Variants in RFX1 observed in about 807,000 individuals in gnomAD.
RFX1 encodes the protein regulatory factor X1.
In RFX1, 42 loss-of-function variants were observed where a neutral mutation model predicts 119.6. The observed-to-expected ratio is 0.35, with a 90% confidence interval of 0.27 to 0.45. RFX1 has a LOEUF of 0.45. Ranked by LOEUF, RFX1 falls within the 20% of genes least tolerant of loss-of-function variation. The pLI, the probability that RFX1 is intolerant of heterozygous loss-of-function variation, is 1.00. For missense variants in RFX1, 1,118 were observed against 1,368.1 expected (o/e 0.82, Z 2.88); for synonymous variants, 628 against 618.5 (o/e 1.02, Z -0.23).
rs74409886 is a variant in RFX1, at chr19:13,986,152, C to T, written c.320-2557G>A. On this transcript the variant is annotated intron_variant, in intron 2 of 20. Coordinates refer to ENST00000254325, the MANE Select transcript of RFX1 (RefSeq NM_002918.5). This position sits in a 1 kb window ranked among gnomAD's most constrained non-coding sequence, Gnocchi z 4.2. ...TGTGACCGGCACTGCACACCTGGGTCCGTGGGGTCCAAGGACTCAGGCCCA... is the reference window on the plus strand; with the variant it reads ...TGTGACCGGCACTGCACACCTGGGTTCGTGGGGTCCAAGGACTCAGGCCCA... Among the ~76,000 whole-genome samples, 5 of 152,314 alleles carry T rather than the reference C, an allele frequency of 3.3e-5. No individual in the cohort carries two copies. Among genetic ancestry groups the T allele is most frequent in the Non-Finnish European group, 5.9e-5 (4 of 68,028 alleles).
rs1047586434 is a variant in RFX1 at position 13,980,812 on chromosome 19, T to A, written c.622-123A>T. 1 of 592,656 alleles carries A rather than the reference T, an allele frequency of 1.7e-6. No homozygotes were observed. Among genetic ancestry groups the A allele is most frequent in the African/African-American group, 1.9e-5 (1 of 52,920 alleles). 36.7% of individuals were successfully genotyped at this position (592,656 alleles called of 1,614,324 possible). A position where few individuals can be genotyped will look rare whatever the true frequency, so the allele number is the denominator to read the frequency against. On this transcript the variant is annotated intron_variant, in intron 5 of 20. Transcript: ENST00000254325. The surrounding 1 kb of genome is among the most constrained non-coding windows in gnomAD (Gnocchi z 5.1). ...GAGGGCGGCAGTCTGTGGGGACCTA[T>A]CCCAACCACCGAGGCTGGTAACTGA...
At chr19:13,974,035 T>G (rs187404265) in intron 8 of RFX1, among the ~76,000 whole-genome samples, 2 of 151,292 alleles carry the variant, frequency 1.3e-5, no homozygotes, top group South Asian at 2.1e-4. Flanking sequence ...GTACTTCGAG[T>G]GCCTACTGTG....
At position 13,985,938 on chromosome 19, in the gene RFX1, G is replaced by A. The variant is rs994235779; in HGVS notation, c.320-2343C>T. Among the ~76,000 whole-genome samples, 1 of 152,196 alleles carries A rather than the reference G, an allele frequency of 6.6e-6. No individual in the cohort carries two copies. Among genetic ancestry groups the A allele is most frequent in the Non-Finnish European group, 1.5e-5 (1 of 68,030 alleles). On this transcript the variant is annotated intron_variant, in intron 2 of 20. Transcript: ENST00000254325. The surrounding 1 kb of genome is among the most constrained non-coding windows in gnomAD (Gnocchi z 4.3). ...CTCCGCGTAGCCGCATGTGGGCTGTGGGGCATTTGGTCAATCCCATGCCTG... is the reference window on the plus strand; with the variant it reads ...CTCCGCGTAGCCGCATGTGGGCTGTAGGGCATTTGGTCAATCCCATGCCTG...
chr19:13,966,480 C>T lies in RFX1; in HGVS notation c.1902G>A (p.Leu634=). ...GGTTGTACCTCCAGAAGGTCTTCCACAGCGTCTCCACCAGGGTGAACTGCA... is the reference window on the plus strand; with the variant it reads ...GGTTGTACCTCCAGAAGGTCTTCCATAGCGTCTCCACCAGGGTGAACTGCA... ...VNLQFTLVET[L]WKTFWRYNLS... Residue 634 remains leucine (L), a synonymous_variant, in exon 14 of 21, where the codon CTG becomes CTA. Transcript: ENST00000254325. This position sits in a 1 kb window ranked among gnomAD's most constrained non-coding sequence, Gnocchi z 6.3. 1 of 1,604,250 alleles carries T rather than the reference C, an allele frequency of 6.2e-7. No homozygotes were observed. Among genetic ancestry groups the T allele is most frequent in the Non-Finnish European group, 8.5e-7 (1 of 1,175,514 alleles).
At position 14,001,226 on chromosome 19, in the gene RFX1, C is replaced by G. The variant is rs148742282; in HGVS notation, c.-53+4877G>C. Among the ~76,000 whole-genome samples, 458 of 152,296 alleles carry G rather than the reference C, an allele frequency of 3.0e-3. 2 individuals carry two copies. Among genetic ancestry groups the G allele is most frequent in the Middle Eastern group, 0.017 (5 of 294 alleles). Reference sequence around the variant, plus strand: ...TCAGCTCGTACACACTTCCTTGGGTCTGAAGGTACCCTCAAGCACATACTA... The same window carrying G: ...TCAGCTCGTACACACTTCCTTGGGTGTGAAGGTACCCTCAAGCACATACTA... On this transcript the variant is annotated intron_variant, in intron 1 of 20. Transcript: ENST00000254325.
intron 1 of RFX1, 95 bp from the exon 2 acceptor site, chr19:13,993,990 A>G: frequency 4.0e-6 from 3 of 741,692 alleles, no homozygotes; most frequent in Non-Finnish European, 6.6e-6. Context: ...AAGCAGGGAC[A>G]GCTCTGGGTT....
At position 13,983,468 on chromosome 19, in the gene RFX1, G is replaced by A; in HGVS notation, c.429+18C>T. ...CCTCCCGGGCCCTCCCCCACCCCCT[G>A]GGAGGGCCACATCCTACCTGCTGGG... On this transcript the variant is annotated intron_variant, in intron 3 of 20. Transcript: ENST00000254325. 1 of 1,552,604 alleles carries A rather than the reference G, an allele frequency of 6.4e-7. No individual in the cohort carries two copies. The highest frequency in any genetic ancestry group is 8.7e-7 in the Non-Finnish European group (1 of 1,150,650).
At chr19:14,003,239 G>T (rs1975273796) in intron 1 of RFX1, among the ~76,000 whole-genome samples, 1 of 152,154 alleles carries the variant, frequency 6.6e-6, no homozygotes, top group Admixed American at 6.6e-5. Context: ...ACCCACCTTG[G>T]CCTCTCAAAG....
chr19:13,984,201 G>A (rs1262742490), intron 2 of RFX1, among the ~76,000 whole-genome samples: 1 of 152,008 alleles, frequency 6.6e-6, no homozygotes, highest in Non-Finnish European at 1.5e-5. Context: ...AGAACATGGT[G>A]CTCATCCCCT....
In RFX1 at chr19:13,993,529, G is replaced by A. The variant is rs1166268998; in HGVS notation, c.315C>T (p.Val105=). 9 of 1,611,984 alleles carry A rather than the reference G, an allele frequency of 5.6e-6. No homozygotes were observed. The highest frequency in any genetic ancestry group is 5.9e-6 in the Non-Finnish European group (7 of 1,179,050). ...PAPQQYIVVT[V]SEGAMRASET... ...ACACACGAGCGCGGCACTTACCAGAGACAGTGACCACGATGTACTGCTGGG... is the reference window on the plus strand; with the variant it reads ...ACACACGAGCGCGGCACTTACCAGAAACAGTGACCACGATGTACTGCTGGG... The change falls in exon 2 of 21, where the codon GTC becomes GTT. Residue 105 remains valine (V), a synonymous_variant. Coordinates refer to ENST00000254325, the MANE Select transcript of RFX1 (RefSeq NM_002918.5).
rs1251857289 is a variant in RFX1, at chr19:13,986,310, T to C, written c.320-2715A>G. ...AGCAGGAGGAGGCCTGGGGACCTGCTGAGACCAGGTGGCTGTCTCCAGGAA... is the reference window on the plus strand; with the variant it reads ...AGCAGGAGGAGGCCTGGGGACCTGCCGAGACCAGGTGGCTGTCTCCAGGAA... On this transcript the variant is annotated intron_variant, in intron 2 of 20. Coordinates refer to ENST00000254325, the MANE Select transcript of RFX1 (RefSeq NM_002918.5). This position sits in a 1 kb window ranked among gnomAD's most constrained non-coding sequence, Gnocchi z 4.2. Among the ~76,000 whole-genome samples the C allele has an allele frequency of 6.6e-6, 1 of 152,156 alleles. No homozygotes were observed. The highest frequency in any genetic ancestry group is 2.4e-5 in the African/African-American group (1 of 41,442).
Position 13,963,750 on chromosome 19 carries a change from G to A in RFX1, c.2362-4C>T, listed in dbSNP as rs768996870. On this transcript the variant is annotated splice_polypyrimidine_tract_variant and splice_region_variant and intron_variant, in intron 17 of 20. Transcript: ENST00000254325. ...GGCACACCCACGAGGCCTGCTCCTG[G>A]GGCACAGAGGGTGGGCGGGCGCCCG... 31 of 1,571,692 alleles carry A rather than the reference G, an allele frequency of 2.0e-5. No homozygotes were observed. The South Asian group carries it at 3.3e-4, about 17-fold the overall frequency.
chr19:13,982,963 G>A, intron 4 of RFX1: 1 of 555,918 alleles, frequency 1.8e-6, no homozygotes, highest in Non-Finnish European at 3.2e-6. Context: ...TATACATCTT[G>A]TTCTCTCTGC....
At chr19:13,972,311 A>C (rs1199312052) in intron 9 of RFX1, among the ~76,000 whole-genome samples, 2 of 149,434 alleles carry the variant, frequency 1.3e-5, no homozygotes, top group African/African-American at 5.0e-5. Context: ...CTCATGCCTC[A>C]CCCTCCTGAG....
rs190348639 is a variant in RFX1 at position 13,969,162 on chromosome 19, A to C, written c.1497-268T>G. Among the ~76,000 whole-genome samples, 2 of 152,292 alleles carry C rather than the reference A, an allele frequency of 1.3e-5. No homozygotes were observed. The highest frequency in any genetic ancestry group is 2.9e-5 in the Non-Finnish European group (2 of 68,020). ...ACGCTGAAGCTGGGAATGGGAACCG[A>C]GACGTGAGCGGAGGTGAGCCATGGG... On this transcript the variant is annotated intron_variant, in intron 10 of 20. Coordinates refer to ENST00000254325, the MANE Select transcript of RFX1 (RefSeq NM_002918.5). The surrounding 1 kb of genome is among the most constrained non-coding windows in gnomAD (Gnocchi z 4.5).
At position 13,962,599 on chromosome 19, in the gene RFX1, G is replaced by A. The variant is rs61497567; in HGVS notation, c.*96C>T. 6.6e-3 allele frequency: 6,989 copies of A among 1,066,594 alleles called. 354 individuals are homozygous for A. In the African/African-American group the frequency reaches 0.11, roughly 16 times the overall value. 66.1% of individuals were successfully genotyped at this position (1,066,594 alleles called of 1,614,324 possible). A position where few individuals can be genotyped will look rare whatever the true frequency, so the allele number is the denominator to read the frequency against. On this transcript the variant is annotated 3_prime_UTR_variant, in exon 21 of 21. Transcript: ENST00000254325. ...TCTCGGAGTCCCCCTCCCTGCCCTG[G>A]CTGAGGCTGGAGCAGTGACCACGAA...
At chr19:13,987,365 TG>T (rs1341005692) in intron 2 of RFX1, among the ~76,000 whole-genome samples, 2 of 152,102 alleles carry the variant, frequency 1.3e-5, no homozygotes, top group African/African-American at 4.8e-5. Flanking sequence ...GGACCGGGGC[TG>T]GGTGAGCTGT....
chr19:13,993,404 T>C (rs1251279797), intron 2 of RFX1, 121 bp downstream of exon 2: 5 of 923,140 alleles, frequency 5.4e-6, no homozygotes, highest in Non-Finnish European at 8.0e-6. Flanking sequence ...GCCCTAGTGA[T>C]ACCCCAAGTC....
intron 16 of RFX1, 160 bp from the exon 17 acceptor site, chr19:13,964,167 C>A: frequency 5.3e-6 from 4 of 761,642 alleles, no homozygotes; most frequent in Non-Finnish European, 8.1e-6. Context: ...TCGGGACCTT[C>A]AAACTTTGGG....
Sources: gnomAD v4.1 joint callset for allele counts (sites outside exome capture counted in the v4.1 genomes callset) on GRCh38, gnomAD v4.1.1 for gene constraint, Gnocchi (gnomAD v3.1) non-coding constraint, MANE v1.5 for transcripts, NCBI Gene and HGNC (gene_info 2026-07-23, HGNC 2026-07-21) for gene names.